PSD3: variants seen among roughly 807,000 people sequenced by gnomAD.
PSD3 encodes PH and SEC7 domain-containing protein 3.
Under a neutral mutation model 105.5 loss-of-function variants are expected in PSD3, and 49 were observed. The ratio of observed to expected loss-of-function variants is 0.46; its 90% CI spans 0.37 to 0.59. The LOEUF (loss-of-function observed/expected upper bound fraction) is 0.59. PSD3 is among the 20% of genes least tolerant of loss of function. The probability of loss-of-function intolerance (pLI) is 0.00; values close to 1 mark genes in which losing one functional copy is unlikely to be tolerated. For missense variants in PSD3, 1,561 were observed against 1,263.8 expected (o/e 1.24, Z -3.57); for synonymous variants, 557 against 457.8 (o/e 1.22, Z -2.77).
chr8:18,698,317 T>C (rs1801377516), intron 9 of PSD3, among the ~76,000 whole-genome samples: 1 of 152,132 alleles, frequency 6.6e-6, no homozygotes, highest in Admixed American at 6.5e-5. Flanking sequence ...TGAGGTCTCA[T>C]TACGTTGCCC....
chr8:18,823,227 T>A (rs138122473), intron 4 of PSD3, among the ~76,000 whole-genome samples: 3 of 152,094 alleles, frequency 2.0e-5, no homozygotes, highest in Non-Finnish European at 4.4e-5. Context: ...GAAAATAAGA[T>A]GCACTTTGGC....
chr8:18,963,874 C>T (rs76061114), intron 1 of PSD3, among the ~76,000 whole-genome samples: 2,220 of 152,178 alleles, frequency 0.015, 48 homozygotes, highest in African/African-American at 0.051. Context: ...GGGTCATTTA[C>T]CCTACATATT....
intron 9 of PSD3, among the ~76,000 whole-genome samples, chr8:18,754,516 T>C (rs1805866044): frequency 1.3e-5 from 2 of 152,142 alleles, no homozygotes; most frequent in Non-Finnish European, 1.5e-5. Context: ...GGCTCGGTGA[T>C]AGTCAGCAGT....
intron 4 of PSD3, among the ~76,000 whole-genome samples, chr8:18,849,859 C>A (rs556734671): frequency 1.3e-5 from 2 of 152,126 alleles, no homozygotes; most frequent in African/African-American, 4.8e-5. Context: ...TTGGTCCAAT[C>A]GATGAGTTCC....
intron 12 of PSD3, among the ~76,000 whole-genome samples, chr8:18,595,501 A>AG (rs1294806379): frequency 4.0e-5 from 2 of 49,964 alleles, no homozygotes; most frequent in Non-Finnish European, 5.9e-5. Context: ...AGAGAGAGAG[A>AG]GAAAAAAAAA....
At chr8:18,936,906 A>G (rs965650906) in intron 1 of PSD3, among the ~76,000 whole-genome samples, 39 of 152,306 alleles carry the variant, frequency 2.6e-4, no homozygotes, top group African/African-American at 8.7e-4. Flanking sequence ...CCCAAAATAG[A>G]TCACATTTTT....
intron 1 of PSD3, among the ~76,000 whole-genome samples, chr8:19,068,667 G>A (rs1185481324): frequency 1.3e-5 from 2 of 151,824 alleles, no homozygotes; most frequent in South Asian, 2.1e-4. Context: ...TGAGAATGAC[G>A]AGTTAATGGG....
At chr8:18,687,485 G>GT (rs147651057) in intron 9 of PSD3, among the ~76,000 whole-genome samples, 16,547 of 145,546 alleles carry the variant, frequency 0.11, 1,038 homozygotes, top group Admixed American at 0.19. Flanking sequence ...AAATTTAGCA[G>GT]TTTTTTTTTT....
At chr8:18,688,159 G>A (rs1800768750) in intron 9 of PSD3, among the ~76,000 whole-genome samples, 1 of 152,122 alleles carries the variant, frequency 6.6e-6, no homozygotes, top group African/African-American at 2.4e-5. Context: ...GCTCACTGCA[G>A]CTATGAGCAA....
At chr8:18,854,762 A>C (rs552107896) in intron 4 of PSD3, among the ~76,000 whole-genome samples, 158 of 149,806 alleles carry the variant, frequency 1.1e-3, no homozygotes, top group Admixed American at 2.0e-3. Flanking sequence ...AAATAGATTT[A>C]AGTCATTAAT....
chr8:18,544,992 C>A (rs115762447), intron 15 of PSD3, among the ~76,000 whole-genome samples: 1 of 152,156 alleles, frequency 6.6e-6, no homozygotes, highest in Non-Finnish European at 1.5e-5. Flanking sequence ...AAAGCAGGTG[C>A]TTTTACCTTT....
intron 2 of PSD3, among the ~76,000 whole-genome samples, chr8:18,922,600 C>CT (rs1248264680): frequency 2.0e-5 from 3 of 152,134 alleles, no homozygotes; most frequent in Non-Finnish European, 4.4e-5. Flanking sequence ...GCAATACTAT[C>CT]TAACTCGAGA....
At chr8:18,949,047 C>G (rs1823035566) in intron 1 of PSD3, among the ~76,000 whole-genome samples, 1 of 149,146 alleles carries the variant, frequency 6.7e-6, no homozygotes. Flanking sequence ...ACGGTGAAAC[C>G]CCGTCTCTAC....
At chr8:18,997,637 C>T (rs1420169768) in intron 1 of PSD3, among the ~76,000 whole-genome samples, 2 of 152,082 alleles carry the variant, frequency 1.3e-5, no homozygotes, top group Non-Finnish European at 2.9e-5. Context: ...CAAGGCCCCA[C>T]AGGACCTGGC....
chr8:18,590,400 G>C (rs994362937), intron 12 of PSD3, among the ~76,000 whole-genome samples: 1 of 151,964 alleles, frequency 6.6e-6, no homozygotes, highest in Non-Finnish European at 1.5e-5. Context: ...AAGAGTGGAA[G>C]GACATGTGTT....
chr8:19,040,189 C>T (rs1172158614), intron 1 of PSD3, among the ~76,000 whole-genome samples: 2 of 152,114 alleles, frequency 1.3e-5, no homozygotes, highest in African/African-American at 4.8e-5. Context: ...AAGGCTTTTG[C>T]AGTTAAATTT....
chr8:18,708,686 G>C (rs925565789), intron 9 of PSD3, among the ~76,000 whole-genome samples: 17 of 152,104 alleles, frequency 1.1e-4, no homozygotes, highest in African/African-American at 3.9e-4. Context: ...AGTCAAGAAA[G>C]AGGTCAAGAT....
At chr8:19,039,914 T>C (rs1365303306) in intron 1 of PSD3, among the ~76,000 whole-genome samples, 1 of 152,178 alleles carries the variant, frequency 6.6e-6, no homozygotes, top group Non-Finnish European at 1.5e-5. Context: ...TTATATGGTA[T>C]CAAGGAACAA....
intron 12 of PSD3, among the ~76,000 whole-genome samples, chr8:18,595,573 T>C (rs1804033048): frequency 6.6e-6 from 1 of 150,530 alleles, no homozygotes; most frequent in Non-Finnish European, 1.5e-5. Flanking sequence ...CACCTGAACA[T>C]GAAATAATGG....
Sources: gnomAD v4.1 joint callset for allele counts (sites outside exome capture counted in the v4.1 genomes callset) on GRCh38, gnomAD v4.1.1 for gene constraint, MANE v1.5 for transcripts, NCBI Gene and HGNC (gene_info 2026-07-23, HGNC 2026-07-21) for gene names.